Variants in HSPH1 observed in about 807,000 individuals in gnomAD.
The protein encoded by HSPH1 is heat shock protein 105 kDa.
A neutral mutation model predicts 100.0 loss-of-function variants in HSPH1; 40 were observed. That is an observed-to-expected ratio of 0.40 (90% CI 0.31 to 0.52). The LOEUF (loss-of-function observed/expected upper bound fraction) is 0.52, where lower values mean the gene tolerates loss of function less well. Among genes scored for constraint, HSPH1 ranks in the 20% least tolerant of loss-of-function variants. The pLI is 0.54. For missense variants in HSPH1, 876 were observed against 1,015.1 expected, an observed-to-expected ratio of 0.86 and a Z score of 1.86; for synonymous variants, 403 against 344.0, an observed-to-expected ratio of 1.17 and a Z score of -1.90.
At chr13:31,138,365 C>A in intron 17 of HSPH1, 42 bp downstream of exon 17, 2 of 1,588,672 alleles carry the variant, frequency 1.3e-6, no homozygotes, top group Non-Finnish European at 1.7e-6. Context: ...AACTTGAGTC[C>A]GTAAGTGAAC....
intron 8 of HSPH1, 108 bp from the exon 9 acceptor site, chr13:31,148,588 A>AAC: frequency 2.0e-6 from 1 of 489,972 alleles, no homozygotes; most frequent in African/African-American, 2.0e-5. Context: ...AAAAAAAAAA[A>AAC]AACAACTCAC....
In HSPH1 at chr13:31,135,313, T is replaced by C. The variant is rs2137516800; in HGVS notation, c.*2005A>G. On this transcript the variant is annotated 3_prime_UTR_variant, in exon 18 of 18. Transcript: ENST00000320027. ...TTTTAAAAATCTTTTTTAATGGATG[T>C]CCTAATTGTACACAGAACACAAACC... The C allele has an allele frequency of 6.6e-6, 1 of 152,342 alleles. No individual in the cohort carries two copies. Among genetic ancestry groups the C allele is most frequent in the South Asian group, 2.1e-4 (1 of 4,826 alleles). 9.4% of individuals were successfully genotyped at this position (152,342 alleles called of 1,614,324 possible). A position where few individuals can be genotyped will look rare whatever the true frequency, so the allele number is the denominator to read the frequency against.
In HSPH1 at chr13:31,155,505, T is replaced by C. The variant is rs1956651930; in HGVS notation, c.306+9A>G. ...TTGGTATTTTTCTAAGGTTGCTCAA[T>C]TATATTACCTTTATTCCAACTCCAC... On this transcript the variant is annotated intron_variant, in intron 3 of 17. Coordinates refer to ENST00000320027, the MANE Select transcript of HSPH1 (RefSeq NM_006644.4). 6.3e-7 allele frequency: 1 copy of C among 1,597,544 alleles called. No homozygotes were observed. Among genetic ancestry groups the C allele is most frequent in the Non-Finnish European group, 8.5e-7 (1 of 1,172,248 alleles).
At chr13:31,150,206 T>C in intron 7 of HSPH1, 24 bp from the exon 8 acceptor site, 1 of 1,508,452 alleles carries the variant, frequency 6.6e-7, no homozygotes, top group Non-Finnish European at 9.0e-7. Flanking sequence ...AACTTGTTTT[T>C]AGAAAAGTTA....
intron 3 of HSPH1, among the ~76,000 whole-genome samples, chr13:31,154,956 A>G (rs1956627864): frequency 6.6e-6 from 1 of 152,172 alleles, no homozygotes; most frequent in Non-Finnish European, 1.5e-5. Flanking sequence ...AGAAAAAAAG[A>G]AAAAGGAAGA....
At chr13:31,161,908 A>C (rs182074308), upstream of HSPH1, 1,655 of 1,509,250 alleles carry the variant, frequency 1.1e-3, 11 homozygotes, top group African/African-American at 0.019. Flanking sequence ...CCGACCCAAA[A>C]GGGGAGGTCC....
intron 1 of HSPH1, 88 bp downstream of exon 1, chr13:31,161,388 G>A (rs1403092817): frequency 1.3e-6 from 2 of 1,540,308 alleles, no homozygotes; most frequent in Admixed American, 1.9e-5. Context: ...GTTTGCCGCG[G>A]TGATCCGTAC....
intron 1 of HSPH1, among the ~76,000 whole-genome samples, chr13:31,161,239 C>T (rs1306468594): frequency 6.6e-6 from 1 of 152,194 alleles, no homozygotes; most frequent in African/African-American, 2.4e-5. Flanking sequence ...AGAGTCTCGA[C>T]TCTGGGACTC....
In HSPH1 at chr13:31,155,588, G is replaced by A. The variant is rs1593209461; in HGVS notation, c.232C>T (p.Pro78Ser). ...TTTTCCTTCTCCTTTTGAATGAAGG[G>A]GTCATTGAATGCTCGGCCATGAAAT... ...KRFHGRAFND[P>S]FIQKEKENLS... The change falls in exon 3 of 18, where the codon CCC becomes TCC. Residue 78 changes from proline (P) to serine (S), a missense_variant. Coordinates refer to ENST00000320027, the MANE Select transcript of HSPH1 (RefSeq NM_006644.4). 2 of 1,609,770 alleles carry A rather than the reference G, an allele frequency of 1.2e-6. No homozygotes were observed. Among genetic ancestry groups the A allele is most frequent in the Non-Finnish European group, 1.7e-6 (2 of 1,176,530 alleles).
At chr13:31,143,642 A>T in intron 12 of HSPH1, 150 bp downstream of exon 12, 3 of 659,522 alleles carry the variant, frequency 4.5e-6, no homozygotes, top group Non-Finnish European at 7.1e-6. Context: ...AACTGGTTTT[A>T]GTTGAAAAAT....
intron 10 of HSPH1, among the ~76,000 whole-genome samples, chr13:31,147,591 A>G (rs1956311513): frequency 1.3e-5 from 2 of 152,126 alleles, no homozygotes; most frequent in African/African-American, 4.8e-5. Context: ...GAAGTAACAG[A>G]CTGCAAATTA....
chr13:31,161,553 C>T lies in HSPH1; in HGVS notation c.30G>A (p.Ser10=), dbSNP rs773182026. 4 of 1,613,854 alleles carry T rather than the reference C, an allele frequency of 2.5e-6. No individual in the cohort carries two copies. The highest frequency in any genetic ancestry group is 2.5e-6 in the Non-Finnish European group (3 of 1,179,918). The part of the protein sequence containing the change: MSVVGLDVG[S]QSCYIAVARA... ...GGGCTACCGCGATGTAGCAGCTCTGCGAGCCCACGTCCAACCCCACCACCG... is the reference window on the plus strand; with the variant it reads ...GGGCTACCGCGATGTAGCAGCTCTGTGAGCCCACGTCCAACCCCACCACCG... Residue 10 remains serine (S), a synonymous_variant, in exon 1 of 18, where the codon TCG becomes TCA. Coordinates refer to ENST00000320027, the MANE Select transcript of HSPH1 (RefSeq NM_006644.4).
rs143076158 is a variant in HSPH1, at chr13:31,146,665, A to G, written c.1379-897T>C. 5.9e-5 allele frequency among the ~76,000 whole-genome samples: 9 copies of G among 152,314 alleles called. No individual in the cohort carries two copies. The East Asian group carries it at 1.2e-3, about 20-fold the overall frequency. On this transcript the variant is annotated intron_variant, in intron 10 of 17. Coordinates refer to ENST00000320027, the MANE Select transcript of HSPH1 (RefSeq NM_006644.4). Reference sequence around the variant, plus strand: ...GGTTCCAGAACATTACTAATGGTTAAAAGTGTAGACTTTAATCCAGACTGT... The same window carrying G: ...GGTTCCAGAACATTACTAATGGTTAGAAGTGTAGACTTTAATCCAGACTGT...
At chr13:31,151,316 G>T in intron 6 of HSPH1, 125 bp from the exon 7 acceptor site, 1 of 843,704 alleles carries the variant, frequency 1.2e-6, no homozygotes, top group Non-Finnish European at 1.8e-6. Flanking sequence ...ATTATAACAT[G>T]AAATCCAAAT....
At position 31,150,053 on chromosome 13, in the gene HSPH1, T is replaced by C; in HGVS notation, c.1038A>G (p.Arg346=). The change falls in exon 8 of 18, where the codon CGA becomes CGG. Residue 346 remains arginine, a synonymous_variant. Coordinates refer to ENST00000320027, the MANE Select transcript of HSPH1 (RefSeq NM_006644.4). ...SAVEIVGGAT[R]IPAVKERIAK... is the part of the protein sequence containing the mutation. ...CAATTCTTTCCTTCACAGCTGGAAT[T>C]CGTGTAGCGCCTCCAACAATCTCAA... The C allele has an allele frequency of 6.2e-7, 1 of 1,613,886 alleles. No homozygotes were observed. The highest frequency in any genetic ancestry group is 2.2e-5 in the East Asian group (1 of 44,872).
intron 11 of HSPH1, 28 bp from the exon 12 acceptor site, chr13:31,143,951 T>G (rs1956186453): frequency 6.4e-7 from 1 of 1,558,198 alleles, no homozygotes; most frequent in East Asian, 2.4e-5. Flanking sequence ...GCACAAAGGA[T>G]GTAGAAAGCA....
At chr13:31,160,292 G>A (rs749260481) in intron 1 of HSPH1, among the ~76,000 whole-genome samples, 12 of 152,136 alleles carry the variant, frequency 7.9e-5, no homozygotes, top group Non-Finnish European at 1.3e-4. Context: ...ACTTAGATCT[G>A]CAGGGGTAGA....
chr13:31,159,009 G>A (rs1297388037), intron 1 of HSPH1, 146 bp from the exon 2 acceptor site: 1 of 547,758 alleles, frequency 1.8e-6, no homozygotes. Flanking sequence ...GCTTTCATCA[G>A]ATACTCAAAG....
At position 31,161,803 on chromosome 13, in the gene HSPH1, G is replaced by C. The variant is rs1263175494; in HGVS notation, c.-221C>G. 17 of 1,486,556 alleles carry C rather than the reference G, an allele frequency of 1.1e-5. No homozygotes were observed. The highest frequency in any genetic ancestry group is 1.5e-5 in the Non-Finnish European group (17 of 1,119,846). 92.1% of individuals were successfully genotyped at this position (1,486,556 alleles called of 1,614,324 possible). ...GCGGCTGGCTGATAAGAAACCCTGGGAGAAAGCGGGGCTCAGCCTCCGCAG... is the reference window on the plus strand; with the variant it reads ...GCGGCTGGCTGATAAGAAACCCTGGCAGAAAGCGGGGCTCAGCCTCCGCAG... On this transcript the variant is annotated 5_prime_UTR_variant, in exon 1 of 18. Transcript: ENST00000320027.
Sources: gnomAD v4.1 joint callset for allele counts (sites outside exome capture counted in the v4.1 genomes callset) on GRCh38, gnomAD v4.1.1 for gene constraint, MANE v1.5 for transcripts, NCBI Gene and HGNC (gene_info 2026-07-23, HGNC 2026-07-21) for gene names.